CSMD1: variants seen among roughly 807,000 people sequenced by gnomAD.
CSMD1 encodes the protein CUB and sushi domain-containing protein 1.
In CSMD1, 213 loss-of-function variants were observed where a neutral mutation model predicts 417.5. The observed-to-expected ratio is 0.51, with a 90% confidence interval of 0.46 to 0.57. The LOEUF is 0.57. CSMD1 is among the 20% of genes least tolerant of loss of function. CSMD1 has a pLI of 0.00. For missense variants in CSMD1, 6,923 were observed against 4,529.7 expected (o/e 1.53, Z -15.17); for synonymous variants, 2,862 against 1,736.8 (o/e 1.65, Z -16.11).
chr8:4,537,576 C>T (rs77588758), intron 2 of CSMD1, among the ~76,000 whole-genome samples: 27 of 152,280 alleles, frequency 1.8e-4, no homozygotes, highest in African/African-American at 6.3e-4. Context: ...ACTTGCTGAA[C>T]ATTTCGTGGC....
chr8:4,069,174 G>T (rs1013328484), intron 3 of CSMD1, among the ~76,000 whole-genome samples: 2 of 152,130 alleles, frequency 1.3e-5, no homozygotes, highest in African/African-American at 2.4e-5. Context: ...ACTATGATGG[G>T]TAGGCATAAA....
At chr8:3,327,106 C>G (rs939018959) in intron 23 of CSMD1, among the ~76,000 whole-genome samples, 8 of 151,588 alleles carry the variant, frequency 5.3e-5, no homozygotes, top group Non-Finnish European at 1.2e-4. Context: ...ATCCTCCTGT[C>G]TCATCATTGG....
chr8:4,499,918 G>A (rs1023186097), intron 2 of CSMD1, among the ~76,000 whole-genome samples: 1 of 152,172 alleles, frequency 6.6e-6, no homozygotes, highest in African/African-American at 2.4e-5. Flanking sequence ...TGATGGCTGA[G>A]ATGTGAGAAT....
At chr8:3,296,559 G>T (rs1803982546) in intron 25 of CSMD1, among the ~76,000 whole-genome samples, 1 of 152,130 alleles carries the variant, frequency 6.6e-6, no homozygotes, top group Non-Finnish European at 1.5e-5. Flanking sequence ...TTGCTCTGTT[G>T]ACAACATGCC....
intron 5 of CSMD1, among the ~76,000 whole-genome samples, chr8:3,978,143 A>T (rs1291597540): frequency 6.6e-6 from 1 of 152,136 alleles, no homozygotes; most frequent in Non-Finnish European, 1.5e-5. Flanking sequence ...TGCCCTCAAG[A>T]GAAACTTCCT....
Position 4,461,102 on chromosome 8 carries a change from T to TA in CSMD1, c.303-41038dup, listed in dbSNP as rs1341702696. On this transcript the variant is annotated intron_variant, in intron 2 of 69. Transcript: ENST00000635120. ...TTATCTCAGGAATGCAAGATAGGCT[T>TA]AGCATCTGAAAATCTAACACTGTGC... 3.3e-5 allele frequency among the ~76,000 whole-genome samples: 5 copies of TA among 152,118 alleles called. 1 individual carries two copies. The highest frequency in any genetic ancestry group is 1.2e-4 in the African/African-American group (5 of 41,394).
chr8:4,838,689 T>C (rs1338535657), intron 1 of CSMD1, among the ~76,000 whole-genome samples: 1 of 152,158 alleles, frequency 6.6e-6, no homozygotes, highest in Non-Finnish European at 1.5e-5. Flanking sequence ...TAAGAGACCT[T>C]TATTTGCAGA....
intron 16 of CSMD1, among the ~76,000 whole-genome samples, chr8:3,397,480 G>T (rs939322327): frequency 2.0e-5 from 3 of 152,088 alleles, no homozygotes; most frequent in Non-Finnish European, 4.4e-5. Context: ...TGGTACCCTG[G>T]GCCCCATTCT....
chr8:3,448,094 G>C (rs1435588976), intron 12 of CSMD1, among the ~76,000 whole-genome samples: 1 of 151,574 alleles, frequency 6.6e-6, no homozygotes, highest in Non-Finnish European at 1.5e-5. Context: ...CTAAAAATAA[G>C]ATAGAAGGGT....
chr8:3,546,444 G>A (rs576415909), intron 10 of CSMD1, among the ~76,000 whole-genome samples: 1 of 151,912 alleles, frequency 6.6e-6, no homozygotes, highest in Admixed American at 6.6e-5. Context: ...GCTGAGGCAG[G>A]AGAATCTCTT....
intron 2 of CSMD1, among the ~76,000 whole-genome samples, chr8:4,533,823 GT>G (rs1471285032): frequency 2.6e-5 from 4 of 151,032 alleles, no homozygotes; most frequent in African/African-American, 9.7e-5. Context: ...TTTATATAAA[GT>G]TTTATGCCTA....
chr8:3,457,433 C>G (rs1816223512), intron 12 of CSMD1, among the ~76,000 whole-genome samples: 4 of 152,158 alleles, frequency 2.6e-5, no homozygotes, highest in Admixed American at 2.6e-4. Context: ...AAGAGAAAAG[C>G]AGAAGAAACG....
intron 3 of CSMD1, among the ~76,000 whole-genome samples, chr8:4,349,844 G>C (rs1056331831): frequency 9.7e-5 from 14 of 144,698 alleles, no homozygotes; most frequent in South Asian, 2.2e-4. Flanking sequence ...TTTAAGTTTA[G>C]GTTACTTTTT....
chr8:4,550,209 C>T (rs1797809833), intron 2 of CSMD1, among the ~76,000 whole-genome samples: 1 of 151,792 alleles, frequency 6.6e-6, no homozygotes, highest in Non-Finnish European at 1.5e-5. Flanking sequence ...TTTCCCTGTA[C>T]CTCTTGAAAG....
intron 2 of CSMD1, among the ~76,000 whole-genome samples, chr8:4,593,824 G>A (rs1585302628): frequency 6.6e-6 from 1 of 152,286 alleles, no homozygotes; most frequent in East Asian, 1.9e-4. Flanking sequence ...AGCTTCTAGA[G>A]AATGGAGCAG....
intron 5 of CSMD1, among the ~76,000 whole-genome samples, chr8:3,773,510 C>T (rs1284340812): frequency 6.6e-6 from 1 of 152,106 alleles, no homozygotes; most frequent in Non-Finnish European, 1.5e-5. Flanking sequence ...TGGTCTTGAA[C>T]TCCTGGACTC....
At chr8:3,735,474 G>A (rs73187251) in intron 6 of CSMD1, among the ~76,000 whole-genome samples, 12,183 of 150,976 alleles carry the variant, frequency 0.081, 600 homozygotes, top group African/African-American at 0.11. Flanking sequence ...AGAAGTCTCT[G>A]TGTCAATATA....
At chr8:4,385,513 A>T (rs1009974825) in intron 3 of CSMD1, among the ~76,000 whole-genome samples, 49 of 152,198 alleles carry the variant, frequency 3.2e-4, no homozygotes, top group African/African-American at 1.2e-3. Context: ...CCGTATTAGT[A>T]GTCTTAAGAA....
At chr8:3,229,188 A>C (rs531636919) in intron 27 of CSMD1, among the ~76,000 whole-genome samples, 4 of 152,124 alleles carry the variant, frequency 2.6e-5, no homozygotes, top group Non-Finnish European at 5.9e-5. Context: ...TCCTATGCAA[A>C]ATGGCCTATC....
Sources: gnomAD v4.1 joint callset for allele counts (sites outside exome capture counted in the v4.1 genomes callset) on GRCh38, gnomAD v4.1.1 for gene constraint, MANE v1.5 for transcripts, NCBI Gene and HGNC (gene_info 2026-07-23, HGNC 2026-07-21) for gene names.